The following ARHGAP15 variants were observed in gnomAD, a reference collection of about 807,000 sequenced individuals.
ARHGAP15 encodes the protein Rho GTPase activating protein 15, also known as rho GTPase-activating protein 15.
Under a neutral mutation model 63.7 loss-of-function variants are expected in ARHGAP15, and 51 were observed. That is an observed-to-expected ratio of 0.80 (90% CI 0.64 to 1.01). ARHGAP15 has a LOEUF of 1.01. Ranked by LOEUF, ARHGAP15 falls within the 50% of genes least tolerant of loss-of-function variation. The pLI, the probability that ARHGAP15 is intolerant of heterozygous loss-of-function variation, is 0.00. For synonymous variants in ARHGAP15, 191 were observed against 193.8 expected, an observed-to-expected ratio of 0.99 and a Z score of 0.12; for missense variants, 560 against 564.6, an observed-to-expected ratio of 0.99 and a Z score of 0.08.
intron 12 of ARHGAP15, among the ~76,000 whole-genome samples, chr2:143,683,777 GC>G (rs1683206936): frequency 6.6e-6 from 1 of 152,024 alleles, no homozygotes; most frequent in Admixed American, 6.6e-5. Flanking sequence ...TCATCAAGGA[GC>G]CTTTCATGTT....
chr2:143,374,699 C>T (rs887604192), intron 6 of ARHGAP15, among the ~76,000 whole-genome samples: 3 of 152,094 alleles, frequency 2.0e-5, no homozygotes, highest in Non-Finnish European at 4.4e-5. Context: ...GATAGGGTCT[C>T]ACTGTGTTGT....
At chr2:143,616,978 C>T (rs1406963998) in intron 11 of ARHGAP15, among the ~76,000 whole-genome samples, 1 of 152,170 alleles carries the variant, frequency 6.6e-6, no homozygotes, top group Non-Finnish European at 1.5e-5. Context: ...AATATTTCCA[C>T]TTTAGACATA....
chr2:143,661,474 G>A lies in ARHGAP15; in HGVS notation c.1138+37207G>A, dbSNP rs115930577. ...AGAAGGAATAAATGAGAGAGACAAG[G>A]GTACAAAAAAAGTATGTCTTCTTAA... On this transcript the variant is annotated intron_variant, in intron 12 of 13. Transcript: ENST00000295095. Among the ~76,000 whole-genome samples, 622 of 151,930 alleles carry A rather than the reference G, an allele frequency of 4.1e-3. 2 individuals are homozygous for A. Among genetic ancestry groups the A allele is most frequent in the African/African-American group, 0.014 (575 of 41,428 alleles).
At chr2:143,753,949 A>G (rs1372713081) in intron 13 of ARHGAP15, among the ~76,000 whole-genome samples, 4 of 152,206 alleles carry the variant, frequency 2.6e-5, no homozygotes, top group African/African-American at 9.6e-5. Context: ...TTGTCCTCTC[A>G]TACATTACAC....
intron 5 of ARHGAP15, chr2:143,236,062 C>A: frequency 7.1e-7 from 1 of 1,413,494 alleles, no homozygotes; most frequent in East Asian, 2.6e-5. Context: ...AGAAGCTCTG[C>A]AATTTAGAAC....
At chr2:143,712,569 G>C (rs1409438267) in intron 13 of ARHGAP15, among the ~76,000 whole-genome samples, 2 of 152,196 alleles carry the variant, frequency 1.3e-5, no homozygotes, top group Non-Finnish European at 2.9e-5. Flanking sequence ...ATCAAGGACA[G>C]ATTCCTAGAG....
intron 10 of ARHGAP15, among the ~76,000 whole-genome samples, chr2:143,537,029 G>A (rs1559035579): frequency 2.6e-5 from 4 of 151,966 alleles, no homozygotes; most frequent in Middle Eastern, 3.4e-3. Context: ...ATCCTCTCCA[G>A]CACCTGTTGT....
intron 5 of ARHGAP15, among the ~76,000 whole-genome samples, chr2:143,233,099 G>A (rs932617465): frequency 6.6e-6 from 1 of 152,016 alleles, no homozygotes; most frequent in Non-Finnish European, 1.5e-5. Flanking sequence ...ACCATCTGGT[G>A]TTTTAATTTT....
At chr2:143,200,281 T>A (rs1036976218) in intron 2 of ARHGAP15, among the ~76,000 whole-genome samples, 3 of 152,060 alleles carry the variant, frequency 2.0e-5, no homozygotes, top group Admixed American at 1.3e-4. Context: ...ATTATCTCCT[T>A]GGATTTTTAC....
chr2:143,629,818 G>T (rs888685611), intron 12 of ARHGAP15, among the ~76,000 whole-genome samples: 1 of 152,148 alleles, frequency 6.6e-6, no homozygotes, highest in African/African-American at 2.4e-5. Context: ...TCATAAAGTA[G>T]TTACTATGAG....
chr2:143,237,598 G>A (rs1461550227), intron 5 of ARHGAP15: 1 of 152,158 alleles, frequency 6.6e-6, no homozygotes, highest in Non-Finnish European at 1.5e-5. Context: ...TCTGTTTAGT[G>A]TCACACCCTA....
At chr2:143,334,436 C>A (rs1684684663) in intron 6 of ARHGAP15, among the ~76,000 whole-genome samples, 1 of 152,174 alleles carries the variant, frequency 6.6e-6, no homozygotes, top group South Asian at 2.1e-4. Flanking sequence ...CTGTTGCACA[C>A]ACATATGTGT....
chr2:143,505,321 C>A (rs1693260427), intron 9 of ARHGAP15, among the ~76,000 whole-genome samples: 1 of 152,184 alleles, frequency 6.6e-6, no homozygotes, highest in Non-Finnish European at 1.5e-5. Context: ...AAGCATGCAA[C>A]AAACCTGGCA....
chr2:143,692,672 T>C (rs1683663351), intron 12 of ARHGAP15, among the ~76,000 whole-genome samples: 1 of 152,210 alleles, frequency 6.6e-6, no homozygotes, highest in African/African-American at 2.4e-5. Flanking sequence ...CATTTTACAA[T>C]GAAATTTTAG....
chr2:143,721,471 T>C (rs1305264172), intron 13 of ARHGAP15, among the ~76,000 whole-genome samples: 1 of 152,156 alleles, frequency 6.6e-6, no homozygotes, highest in African/African-American at 2.4e-5. Context: ...CTCTGCAAAG[T>C]GTCCAGCTGT....
chr2:143,330,129 AAAC>A (rs1367128474), intron 6 of ARHGAP15, among the ~76,000 whole-genome samples: 5,427 of 93,810 alleles, frequency 0.058, 727 homozygotes, highest in Admixed American at 0.23. Flanking sequence ...AAAAAAAAAA[AAAC>A]CAAAAACAAA....
chr2:143,130,827 C>T (rs994290938), intron 1 of ARHGAP15, among the ~76,000 whole-genome samples: 1 of 152,110 alleles, frequency 6.6e-6, no homozygotes, highest in Non-Finnish European at 1.5e-5. Flanking sequence ...TGCATTTCCT[C>T]ACAATGGAAA....
chr2:143,365,735 C>T (rs2381465), intron 6 of ARHGAP15, among the ~76,000 whole-genome samples: 152,331 of 152,336 alleles, frequency 1, 76,163 homozygotes, highest in Non-Finnish European at 1. Context: ...AATTCTAAAT[C>T]GATTTATATG....
intron 1 of ARHGAP15, among the ~76,000 whole-genome samples, chr2:143,139,975 G>T (rs1375136033): frequency 2.0e-5 from 3 of 152,100 alleles, no homozygotes; most frequent in Non-Finnish European, 4.4e-5. Context: ...AATGATGTAT[G>T]TAAAGATGTT....
Sources: gnomAD v4.1 joint callset for allele counts (sites outside exome capture counted in the v4.1 genomes callset) on GRCh38, gnomAD v4.1.1 for gene constraint, MANE v1.5 for transcripts, NCBI Gene and HGNC (gene_info 2026-07-23, HGNC 2026-07-21) for gene names.